Variants in JAZF1 observed in about 807,000 individuals in gnomAD.
JAZF1 encodes the protein JAZF zinc finger 1, also known as juxtaposed with another zinc finger protein 1.
In JAZF1, 8 loss-of-function variants were observed where a neutral mutation model predicts 26.4. The observed-to-expected ratio is 0.30, with a 90% CI of 0.18 to 0.55. JAZF1 has a LOEUF of 0.55. Ranked by LOEUF, JAZF1 falls within the 20% of genes least tolerant of loss-of-function variation. JAZF1 has a pLI of 0.94. For missense variants in JAZF1, 199 were observed against 322.0 expected (o/e 0.62, Z 2.92); for synonymous variants, 126 against 122.3 (o/e 1.03, Z -0.20).
intron 1 of JAZF1, among the ~76,000 whole-genome samples, chr7:28,152,785 A>G (rs1288975321): frequency 6.6e-6 from 1 of 152,240 alleles, no homozygotes; most frequent in African/African-American, 2.4e-5. Context: ...TTGACACAGG[A>G]CAGGAAAAGG....
chr7:28,039,239 T>C (rs1258692158), intron 1 of JAZF1, among the ~76,000 whole-genome samples: 1 of 152,108 alleles, frequency 6.6e-6, no homozygotes, highest in African/African-American at 2.4e-5. Flanking sequence ...TTAGCTACCA[T>C]ATTGGGAACA....
intron 2 of JAZF1, among the ~76,000 whole-genome samples, chr7:27,934,205 T>C (rs1784729387): frequency 6.6e-6 from 1 of 152,278 alleles, no homozygotes; most frequent in Middle Eastern, 3.4e-3. Context: ...CATTGGATAA[T>C]GTCTTCAAGA....
intron 1 of JAZF1, among the ~76,000 whole-genome samples, chr7:27,993,489 A>G (rs1437363581): frequency 1.3e-5 from 2 of 152,206 alleles, no homozygotes; most frequent in Non-Finnish European, 2.9e-5. Context: ...CTGTAATCCC[A>G]ACATATATCC....
chr7:28,020,537 G>A (rs1033111342), intron 1 of JAZF1: 1 of 471,082 alleles, frequency 2.1e-6, no homozygotes, highest in South Asian at 1.5e-5. Flanking sequence ...GTGGTTACAA[G>A]TGTCATGACA....
chr7:27,857,432 C>G (rs1783289891), intron 3 of JAZF1, among the ~76,000 whole-genome samples: 2 of 152,164 alleles, frequency 1.3e-5, no homozygotes. Context: ...CTGGCTCTGG[C>G]CTTGGCCAGC....
Position 27,832,816 on chromosome 7 carries a change from C to T in JAZF1, c.716G>A (p.Arg239Lys). 11 of 1,595,968 alleles carry T rather than the reference C, an allele frequency of 6.9e-6. No homozygotes were observed. Among genetic ancestry groups the T allele is most frequent in the African/African-American group, 1.3e-5 (1 of 74,582 alleles). ...ACCAGCATGTTATTGCTGCATCTTC[C>T]TGATAATCTCAGCCGACACCGGGGG... is the stretch of plus-strand genomic sequence containing the variant. ...FHPPVSAEII[R>K]KMQQ Residue 239 changes from arginine (R) to lysine (K), a missense_variant, in exon 5 of 5, where the codon AGG (arginine) becomes AAG (lysine). Physicochemically the swap from Arg to Lys is conservative, Grantham distance 26. This residue lies in a region of JAZF1 where 62 missense variants were observed against 137.2 expected (regional missense o/e 0.45). Coordinates refer to ENST00000283928, the MANE Select transcript of JAZF1 (RefSeq NM_175061.4).
At chr7:27,868,337 T>A (rs113877387) in intron 3 of JAZF1, among the ~76,000 whole-genome samples, 4 of 152,352 alleles carry the variant, frequency 2.6e-5, no homozygotes, top group African/African-American at 9.6e-5. Context: ...GGCCCATGCC[T>A]GCTCCTGCAG....
intron 1 of JAZF1, among the ~76,000 whole-genome samples, chr7:28,027,456 TAAAG>T (rs761041586): frequency 6.6e-6 from 1 of 152,148 alleles, no homozygotes; most frequent in Non-Finnish European, 1.5e-5. Flanking sequence ...ATTGGCAAAA[TAAAG>T]AGTTACCATT....
intron 2 of JAZF1, among the ~76,000 whole-genome samples, chr7:27,914,282 G>A (rs1784409185): frequency 6.6e-6 from 1 of 152,140 alleles, no homozygotes; most frequent in Non-Finnish European, 1.5e-5. Context: ...ACATGGAGAT[G>A]GGGACAGGTT....
At chr7:27,844,284 G>T (rs73684072) in intron 3 of JAZF1, 1 of 152,172 alleles carries the variant, frequency 6.6e-6, no homozygotes, top group Admixed American at 6.5e-5. Context: ...AAAGCCCCTG[G>T]GCCAGCCTCT....
At chr7:27,936,560 C>A (rs1377894985) in intron 2 of JAZF1, among the ~76,000 whole-genome samples, 1 of 152,206 alleles carries the variant, frequency 6.6e-6, no homozygotes, top group African/African-American at 2.4e-5. Context: ...CTAAGGTAAG[C>A]TCAGCACACA....
At chr7:27,979,684 T>C (rs1393905168) in intron 2 of JAZF1, among the ~76,000 whole-genome samples, 2 of 152,116 alleles carry the variant, frequency 1.3e-5, no homozygotes, top group African/African-American at 2.4e-5. Context: ...GTAACCTTTT[T>C]ATGGAGACTC....
chr7:27,948,696 A>G (rs1029547764), intron 2 of JAZF1, among the ~76,000 whole-genome samples: 3 of 152,200 alleles, frequency 2.0e-5, no homozygotes, highest in Non-Finnish European at 4.4e-5. Flanking sequence ...TATTGACTGT[A>G]TATTGACCAC....
chr7:27,975,027 G>A (rs558873197), intron 2 of JAZF1, among the ~76,000 whole-genome samples: 2 of 152,084 alleles, frequency 1.3e-5, no homozygotes, highest in South Asian at 4.2e-4. Context: ...TGGGACTACA[G>A]GCATGTGCCA....
chr7:28,052,747 T>C (rs17156259), intron 1 of JAZF1, among the ~76,000 whole-genome samples: 9,139 of 151,722 alleles, frequency 0.06, 507 homozygotes, highest in African/African-American at 0.14. Context: ...ATCCTAGTTT[T>C]AGAATATAGG....
chr7:27,937,138 A>C (rs1784774282), intron 2 of JAZF1, among the ~76,000 whole-genome samples: 1 of 152,128 alleles, frequency 6.6e-6, no homozygotes, highest in African/African-American at 2.4e-5. Flanking sequence ...AGCCTTGCCA[A>C]ATTTCCTTTC....
At chr7:28,161,406 A>G (rs1022406564) in intron 1 of JAZF1, among the ~76,000 whole-genome samples, 2 of 152,218 alleles carry the variant, frequency 1.3e-5, no homozygotes, top group African/African-American at 4.8e-5. Context: ...TTATTCCCCA[A>G]GAAATGGAGG....
At chr7:28,102,541 T>A (rs1250362299) in intron 1 of JAZF1, among the ~76,000 whole-genome samples, 1 of 152,104 alleles carries the variant, frequency 6.6e-6, no homozygotes, top group Non-Finnish European at 1.5e-5. Context: ...CAATGTATAC[T>A]TATTATACAT....
At chr7:27,866,581 G>A (rs1783476994) in intron 3 of JAZF1, among the ~76,000 whole-genome samples, 1 of 152,176 alleles carries the variant, frequency 6.6e-6, no homozygotes, top group Admixed American at 6.5e-5. Context: ...CTATATTAGT[G>A]TTGGTTGCTA....
Sources: gnomAD v4.1 joint callset for allele counts (sites outside exome capture counted in the v4.1 genomes callset) on GRCh38, gnomAD v4.1.1 for gene constraint, gnomAD v4.1.1 regional missense constraint, MANE v1.5 for transcripts, NCBI Gene and HGNC (gene_info 2026-07-23, HGNC 2026-07-21) for gene names.